TENM2: variants seen among roughly 807,000 people sequenced by gnomAD.
TENM2 encodes the protein teneurin-2.
In TENM2, 52 loss-of-function variants were observed where a neutral mutation model predicts 245.2. The ratio of observed to expected loss-of-function variants is 0.21; its 90% CI spans 0.17 to 0.27. TENM2 has a LOEUF of 0.27. Ranked by LOEUF, TENM2 falls within the 10% of genes least tolerant of loss-of-function variation. The probability of loss-of-function intolerance (pLI) is 1.00; values close to 1 mark genes in which losing one functional copy is unlikely to be tolerated. For synonymous variants in TENM2, 1,363 were observed against 1,438.9 expected, an observed-to-expected ratio of 0.95 and a Z score of 1.19; for missense variants, 3,046 against 3,666.8, an observed-to-expected ratio of 0.83 and a Z score of 4.37.
chr5:167,387,417 G>A (rs1761504130), intron 2 of TENM2, among the ~76,000 whole-genome samples: 1 of 152,082 alleles, frequency 6.6e-6, no homozygotes, highest in Admixed American at 6.6e-5. Flanking sequence ...GGAGCTTTCT[G>A]GAGGAGTCTT....
the TENM2 span, among the ~76,000 whole-genome samples, chr5:167,226,686 T>C: frequency 6.6e-6 from 1 of 152,094 alleles, no homozygotes; most frequent in Admixed American, 6.5e-5. Context: ...TATAAATGTC[T>C]GTTAGGTTCA....
chr5:167,776,070 A>G (rs1763742031), intron 2 of TENM2, among the ~76,000 whole-genome samples: 1 of 152,012 alleles, frequency 6.6e-6, no homozygotes, highest in African/African-American at 2.4e-5. Flanking sequence ...TAATGGCATT[A>G]AAAAGAATTC....
chr5:167,076,118 C>A, the TENM2 span, among the ~76,000 whole-genome samples: 1 of 152,128 alleles, frequency 6.6e-6, no homozygotes, highest in African/African-American at 2.4e-5. Context: ...CTACCTTAAA[C>A]ATAACATACA....
At chr5:167,218,363 AT>A in the TENM2 span, among the ~76,000 whole-genome samples, 1 of 152,056 alleles carries the variant, frequency 6.6e-6, no homozygotes. Context: ...AATTTTTTTA[AT>A]TTTTAAATTT....
rs985822524 is a variant in TENM2 at position 167,939,284 on chromosome 5, C to T, written c.713-13304C>T. ...CTCATAAGGAGCGTGCAACCTAGAACGTTCACGTGTGCAGTTCACAATAGG... is the reference window on the plus strand; with the variant it reads ...CTCATAAGGAGCGTGCAACCTAGAATGTTCACGTGTGCAGTTCACAATAGG... On this transcript the variant is annotated intron_variant, in intron 3 of 28. Transcript: ENST00000518659. Among the ~76,000 whole-genome samples, 7 of 152,264 alleles carry T rather than the reference C, an allele frequency of 4.6e-5. No homozygotes were observed. The East Asian group carries it at 5.8e-4, about 13-fold the overall frequency.
chr5:167,584,307 T>C (rs1775323593), intron 2 of TENM2, among the ~76,000 whole-genome samples: 1 of 152,202 alleles, frequency 6.6e-6, no homozygotes, highest in Non-Finnish European at 1.5e-5. Flanking sequence ...AAATACTCTC[T>C]AGAGGTTTCC....
At chr5:167,705,509 C>T (rs879335158) in intron 2 of TENM2, among the ~76,000 whole-genome samples, 4 of 152,092 alleles carry the variant, frequency 2.6e-5, no homozygotes, top group Non-Finnish European at 5.9e-5. Context: ...AATTGTCTAC[C>T]TTTGCTATCT....
Position 168,248,115 on chromosome 5 carries a change from G to C in TENM2, c.7176G>C (p.Thr2392=), listed in dbSNP as rs371232211. 65 of 1,613,884 alleles carry C rather than the reference G, an allele frequency of 4.0e-5. No homozygotes were observed. The African/African-American group carries it at 8.0e-4, about 20-fold the overall frequency. ...TCATGATCAAACAGCTGCAGTACAC[G>C]GCCTATGGGGAGATTTATTATGACT... is the stretch of plus-strand genomic sequence containing the variant. The change falls in exon 27 of 29, where the codon ACG becomes ACC. Residue 2392 remains threonine (T), a synonymous_variant. Transcript: ENST00000518659.
chr5:168,005,784 C>T (rs79017454), intron 5 of TENM2, among the ~76,000 whole-genome samples: 8,069 of 152,232 alleles, frequency 0.053, 293 homozygotes, highest in Non-Finnish European at 0.073. Flanking sequence ...CCTAATTTGT[C>T]ATTCATATGA....
At chr5:167,509,135 C>A (rs915552186) in intron 2 of TENM2, among the ~76,000 whole-genome samples, 2 of 152,094 alleles carry the variant, frequency 1.3e-5, no homozygotes, top group African/African-American at 4.8e-5. Context: ...AATATTTTAG[C>A]GTGTGCTATT....
chr5:167,392,216 T>C (rs1053192731), intron 2 of TENM2, among the ~76,000 whole-genome samples: 2 of 152,124 alleles, frequency 1.3e-5, no homozygotes, highest in Admixed American at 6.6e-5. Context: ...GGAACAAAAA[T>C]AAATAAGATA....
intron 10 of TENM2, among the ~76,000 whole-genome samples, chr5:168,123,574 T>C (rs1359674146): frequency 6.6e-6 from 1 of 152,186 alleles, no homozygotes; most frequent in Admixed American, 6.5e-5. Flanking sequence ...GTCAGCGTGG[T>C]CCATAAAAAC....
At chr5:167,600,088 T>TAGC (rs1314946515) in intron 2 of TENM2, among the ~76,000 whole-genome samples, 23 of 149,558 alleles carry the variant, frequency 1.5e-4, no homozygotes, top group South Asian at 8.7e-4. Flanking sequence ...GGAGTTTGCT[T>TAGC]CATTTATAGG....
At chr5:167,523,675 G>A (rs2127584725) in intron 2 of TENM2, among the ~76,000 whole-genome samples, 1 of 152,200 alleles carries the variant, frequency 6.6e-6, no homozygotes, top group East Asian at 1.9e-4. Context: ...AATTACCTTT[G>A]AGAGAGCACT....
In TENM2 at chr5:167,601,250, G is replaced by A. The variant is rs531142101; in HGVS notation, c.502+225777G>A. Among the ~76,000 whole-genome samples, 10 of 152,238 alleles carry A rather than the reference G, an allele frequency of 6.6e-5. No homozygotes were observed. In the South Asian group the frequency reaches 1.9e-3, roughly 28 times the overall value. The stretch of plus-strand genomic sequence containing the variant: ...ATAGAACGTCCTGTCGCACAGTGAC[G>A]AAAACATTCTAAACTCACATTTCTA... On this transcript the variant is annotated intron_variant, in intron 2 of 28. Coordinates refer to ENST00000518659, the Ensembl canonical transcript of TENM2.
At chr5:167,127,291 A>G in the TENM2 span, among the ~76,000 whole-genome samples, 2 of 152,170 alleles carry the variant, frequency 1.3e-5, no homozygotes, top group Non-Finnish European at 1.5e-5. Context: ...GGGGAGCTAG[A>G]AAGCAATTTA....
intron 2 of TENM2, among the ~76,000 whole-genome samples, chr5:167,421,797 T>C (rs1016706046): frequency 2.0e-5 from 3 of 152,092 alleles, no homozygotes; most frequent in Non-Finnish European, 4.4e-5. Context: ...TTCTGTTTTT[T>C]GTTTGTTTGT....
chr5:167,672,438 T>C (rs1756018122), intron 2 of TENM2, among the ~76,000 whole-genome samples: 1 of 152,058 alleles, frequency 6.6e-6, no homozygotes. Context: ...TCACTCCCCT[T>C]GACATAAAAC....
At position 167,700,113 on chromosome 5, in the gene TENM2, C is replaced by A. The variant is rs145272359; in HGVS notation, c.503-175873C>A. Among the ~76,000 whole-genome samples the A allele has an allele frequency of 7.2e-5, 11 of 152,252 alleles. No individual in the cohort carries two copies. In the East Asian group the frequency reaches 2.1e-3, roughly 29 times the overall value. On this transcript the variant is annotated intron_variant, in intron 2 of 28. Transcript: ENST00000518659. Reference sequence around the variant, plus strand: ...AAACAGAAAAAAATTTGCAAAGACACTTAGTGTCTCTGAAAAGATAGAACA... The same window carrying A: ...AAACAGAAAAAAATTTGCAAAGACAATTAGTGTCTCTGAAAAGATAGAACA...
Sources: allele counts gnomAD v4.1 joint callset (sites outside exome capture counted in the v4.1 genomes callset), GRCh38; gene constraint gnomAD v4.1.1; transcripts MANE v1.5; gene names NCBI Gene and HGNC (gene_info 2026-07-23, HGNC 2026-07-21).